ZNF736: variants seen among roughly 807,000 people sequenced by gnomAD.
ZNF736 encodes the protein zinc finger protein 736.
A neutral mutation model predicts 11.7 loss-of-function variants in ZNF736; 6 were observed. The ratio of observed to expected loss-of-function variants is 0.51; its 90% confidence interval spans 0.28 to 1.01. The LOEUF is 1.01. ZNF736 is among the 50% of genes least tolerant of loss of function. ZNF736 has a pLI of 0.09. For synonymous variants in ZNF736, 139 were observed against 164.7 expected (o/e 0.84, Z 1.19); for missense variants, 444 against 496.0 (o/e 0.90, Z 1.00).
Position 64,314,056 on chromosome 7 carries a change from T to A in ZNF736, c.-95T>A. 6.6e-7 allele frequency: 1 copy of A among 1,516,484 alleles called. No homozygotes were observed. Among genetic ancestry groups the A allele is most frequent in the Non-Finnish European group, 9.0e-7 (1 of 1,115,914 alleles). 93.9% of individuals were successfully genotyped at this position (1,516,484 alleles called of 1,614,324 possible). On this transcript the variant is annotated 5_prime_UTR_variant, in exon 1 of 4. Transcript: ENST00000423484. ...TGTTCCATCTCCTCCGTTCCTGGAGTTCCTCGGTGACTCTACTATAGCTTC... is the reference window on the plus strand; with the variant it reads ...TGTTCCATCTCCTCCGTTCCTGGAGATCCTCGGTGACTCTACTATAGCTTC...
At chr7:64,337,766 T>TTTTTTTTTTTTTTTG (rs1562673693) in intron 3 of ZNF736, among the ~76,000 whole-genome samples, 1 of 147,016 alleles carries the variant, frequency 6.8e-6, no homozygotes, top group African/African-American at 2.5e-5. Context: ...GTTTTTTTTT[T>TTTTTTTTTTTTTTTG]TTTTTGAGAC....
At position 64,336,868 on chromosome 7, in the gene ZNF736, T is replaced by C; in HGVS notation, c.131-19T>C. On this transcript the variant is annotated intron_variant, in intron 2 of 3. Transcript: ENST00000423484. Reference sequence around the variant, plus strand: ...AGATTATCCTAGCAAGAGTCATGTTTTTTTTTCTAATAAAACAGGTCTTGC... The same window carrying C: ...AGATTATCCTAGCAAGAGTCATGTTCTTTTTTCTAATAAAACAGGTCTTGC... 1 of 1,560,140 alleles carries C rather than the reference T, an allele frequency of 6.4e-7. No homozygotes were observed. The highest frequency in any genetic ancestry group is 8.7e-7 in the Non-Finnish European group (1 of 1,149,250).
chr7:64,341,217 TATC>T (rs897938531), intron 3 of ZNF736, among the ~76,000 whole-genome samples: 76 of 152,236 alleles, frequency 5.0e-4, no homozygotes, highest in African/African-American at 1.8e-3. Flanking sequence ...GCATACTTAG[TATC>T]ATTATTTTGA....
intron 1 of ZNF736, among the ~76,000 whole-genome samples, chr7:64,333,914 CA>C (rs1239170503): frequency 6.6e-6 from 1 of 152,148 alleles, no homozygotes; most frequent in African/African-American, 2.4e-5. Flanking sequence ...CTACAGTAAC[CA>C]AAACAGCATG....
intron 3 of ZNF736, among the ~76,000 whole-genome samples, chr7:64,341,918 A>G (rs1417847786): frequency 6.6e-6 from 1 of 152,184 alleles, no homozygotes; most frequent in Non-Finnish European, 1.5e-5. Context: ...CCAAAGGTGA[A>G]GGAGAAAACA....
intron 3 of ZNF736, among the ~76,000 whole-genome samples, chr7:64,346,392 G>T: frequency 6.6e-6 from 1 of 150,478 alleles, no homozygotes. Context: ...TCTTGATGTA[G>T]ATCTTGATAT....
chr7:64,351,044 C>G lies in ZNF736; in HGVS notation c.*1897C>G, dbSNP rs1789479356. 1 of 152,894 alleles carries G rather than the reference C, an allele frequency of 6.5e-6. No individual in the cohort carries two copies. The highest frequency in any genetic ancestry group is 1.9e-4 in the East Asian group (1 of 5,188). 9.5% of individuals were successfully genotyped at this position (152,894 alleles called of 1,614,324 possible). The stretch of plus-strand genomic sequence containing the variant: ...CAGCTGGGAAGGGAGTGGGGGATAC[C>G]TGCTGGAGGCTGTGTGCTGTTGCAC... On this transcript the variant is annotated 3_prime_UTR_variant, in exon 4 of 4. Coordinates refer to ENST00000423484, the MANE Select transcript of ZNF736 (RefSeq NM_001170905.3).
rs150253564 is a variant in ZNF736 at position 64,322,662 on chromosome 7, C to G, written c.3+8509C>G. On this transcript the variant is annotated intron_variant, in intron 1 of 3. Transcript: ENST00000423484. ...TTAAAAAGTCAACTTTTATAAGTTACACAGCCTCTTTGTGTCTCACAGCTC... is the reference window on the plus strand; with the variant it reads ...TTAAAAAGTCAACTTTTATAAGTTAGACAGCCTCTTTGTGTCTCACAGCTC... 2.3e-3 allele frequency among the ~76,000 whole-genome samples: 356 copies of G among 152,296 alleles called. 4 individuals carry two copies. In the East Asian group the frequency reaches 0.028, roughly 12 times the overall value.
intron 1 of ZNF736, among the ~76,000 whole-genome samples, chr7:64,331,602 T>G (rs1789166943): frequency 6.6e-6 from 1 of 152,200 alleles, no homozygotes; most frequent in Admixed American, 6.5e-5. Context: ...TGGGGGATGA[T>G]TGCTGGAGGG....
intron 1 of ZNF736, among the ~76,000 whole-genome samples, chr7:64,324,655 A>G (rs1224055735): frequency 6.6e-6 from 1 of 152,166 alleles, no homozygotes; most frequent in East Asian, 1.9e-4. Flanking sequence ...CTCAGACGCT[A>G]AATCTGTGGC....
chr7:64,348,391 A>C lies in ZNF736; in HGVS notation c.528A>C (p.Glu176Asp). The C allele has an allele frequency of 6.4e-7, 1 of 1,551,056 alleles. No individual in the cohort carries two copies. The highest frequency in any genetic ancestry group is 8.7e-7 in the Non-Finnish European group (1 of 1,146,842). Residue 176 changes from glutamate (E) to aspartate (D), a missense_variant, in exon 4 of 4, where the codon GAA becomes GAC. Glu to Asp is a conservative substitution (Grantham distance 45). Coordinates refer to ENST00000423484, the MANE Select transcript of ZNF736 (RefSeq NM_001170905.3). ...GCAGAGAGAAATGCCACAAATGTGAAGAATGTGGCAAAGACTGTAGGTTGT... is the reference window on the plus strand; with the variant it reads ...GCAGAGAGAAATGCCACAAATGTGACGAATGTGGCAAAGACTGTAGGTTGT... The part of the protein sequence containing the change: ...IFSREKCHKC[E>D]ECGKDCRLFS...
chr7:64,343,519 C>A (rs1789367866), intron 3 of ZNF736, among the ~76,000 whole-genome samples: 1 of 152,140 alleles, frequency 6.6e-6, no homozygotes, highest in African/African-American at 2.4e-5. Context: ...ACATAATATA[C>A]CCATGTAACA....
At position 64,350,066 on chromosome 7, in the gene ZNF736, C is replaced by A. The variant is rs1789465889; in HGVS notation, c.*919C>A. ...GATGACCTTCTCCTGGGGTATCTTA[C>A]TGGGGTTCTCCACATTTCCTGCATT... On this transcript the variant is annotated 3_prime_UTR_variant, in exon 4 of 4. Coordinates refer to ENST00000423484, the MANE Select transcript of ZNF736 (RefSeq NM_001170905.3). The A allele has an allele frequency of 6.7e-6, 1 of 149,600 alleles. No homozygotes were observed. The highest frequency in any genetic ancestry group is 2.5e-5 in the African/African-American group (1 of 39,754). The allele number at this position is 149,600 out of a possible 1,614,324, so 9.3% of individuals were successfully genotyped here.
intron 1 of ZNF736, among the ~76,000 whole-genome samples, chr7:64,318,793 A>C (rs1788953738): frequency 6.6e-6 from 1 of 152,170 alleles, no homozygotes; most frequent in Non-Finnish European, 1.5e-5. Context: ...CACAACATAT[A>C]ACTTACTCAT....
At position 64,349,121 on chromosome 7, in the gene ZNF736, A is replaced by G. The variant is rs1584278246; in HGVS notation, c.1258A>G (p.Thr420Ala). The G allele has an allele frequency of 6.4e-7, 1 of 1,560,092 alleles. No homozygotes were observed. Among genetic ancestry groups the G allele is most frequent in the South Asian group, 1.2e-5 (1 of 84,080 alleles). The change falls in exon 4 of 4, where the codon ACT becomes GCT. Residue 420 changes from threonine (T) to alanine (A), a missense_variant. Coordinates refer to ENST00000423484, the MANE Select transcript of ZNF736 (RefSeq NM_001170905.3). ...SHLIRHKRIH[T>A]REKLHKC ...CCTCATCAGACATAAGAGAATTCAT[A>G]CTAGAGAGAAGCTCCACAAGTGTTA...
At chr7:64,334,864 T>G (rs1310589934) in intron 1 of ZNF736, among the ~76,000 whole-genome samples, 1 of 152,160 alleles carries the variant, frequency 6.6e-6, no homozygotes, top group African/African-American at 2.4e-5. Context: ...CTATTTACAA[T>G]AGCAAAGACT....
In ZNF736 at chr7:64,350,814, G is replaced by A. The variant is rs1789476625; in HGVS notation, c.*1667G>A. ...TTTTGTTTTGTTTGGTGGTGGTGGTGGGTGGGCAATGCTCAGCTCACAACT... is the reference window on the plus strand; with the variant it reads ...TTTTGTTTTGTTTGGTGGTGGTGGTAGGTGGGCAATGCTCAGCTCACAACT... On this transcript the variant is annotated 3_prime_UTR_variant, in exon 4 of 4. Transcript: ENST00000423484. 8.4e-6 allele frequency: 1 copy of A among 119,074 alleles called. No homozygotes were observed. The highest frequency in any genetic ancestry group is 3.2e-5 in the African/African-American group (1 of 31,352). 7.4% of individuals were successfully genotyped at this position (119,074 alleles called of 1,614,324 possible). A position where few individuals can be genotyped will look rare whatever the true frequency, so the allele number is the denominator to read the frequency against.
Position 64,314,172 on chromosome 7 carries a change from T to C in ZNF736, c.3+19T>C. 1 of 1,551,716 alleles carries C rather than the reference T, an allele frequency of 6.4e-7. No individual in the cohort carries two copies. Among genetic ancestry groups the C allele is most frequent in the South Asian group, 1.2e-5 (1 of 84,042 alleles). On this transcript the variant is annotated intron_variant, in intron 1 of 3. Coordinates refer to ENST00000423484, the MANE Select transcript of ZNF736 (RefSeq NM_001170905.3). ...GGAAATGGTGAGTGCGTGGAGTGGG[T>C]GTCCCGAGAATGGGGAAGAGGCTGT...
At chr7:64,321,490 A>G (rs1207790617) in intron 1 of ZNF736, among the ~76,000 whole-genome samples, 2 of 152,246 alleles carry the variant, frequency 1.3e-5, no homozygotes, top group Non-Finnish European at 2.9e-5. Context: ...ATTATGACCC[A>G]GATTTTCTGT....
Sources: allele counts gnomAD v4.1 joint callset (sites outside exome capture counted in the v4.1 genomes callset), GRCh38; gene constraint gnomAD v4.1.1; transcripts MANE v1.5; gene names NCBI Gene and HGNC (gene_info 2026-07-23, HGNC 2026-07-21).